The following NEK11 variants were observed in gnomAD, a reference collection of about 807,000 sequenced individuals.
NEK11 encodes serine/threonine-protein kinase Nek11.
NEK11 carries 72 observed loss-of-function variants against 80.7 expected under a neutral mutation model. The observed-to-expected ratio is 0.89, with a 90% CI of 0.74 to 1.08. The LOEUF (loss-of-function observed/expected upper bound fraction) is 1.08, where lower values mean the gene tolerates loss of function less well. Ranked by LOEUF, NEK11 falls within the 50% of genes least tolerant of loss-of-function variation. The pLI is 0.00. For missense variants in NEK11, 764 were observed against 763.6 expected, an observed-to-expected ratio of 1.00 and a Z score of -0.01; for synonymous variants, 251 against 260.7, an observed-to-expected ratio of 0.96 and a Z score of 0.36.
At chr3:131,069,610 A>G (rs569399864) in intron 3 of NEK11, among the ~76,000 whole-genome samples, 1 of 152,014 alleles carries the variant, frequency 6.6e-6, no homozygotes, top group African/African-American at 2.4e-5. Context: ...GGATTAAGAA[A>G]ATGTGGCACA....
At chr3:131,281,519 G>A (rs765975274) in intron 17 of NEK11, among the ~76,000 whole-genome samples, 5 of 152,122 alleles carry the variant, frequency 3.3e-5, no homozygotes, top group African/African-American at 9.7e-5. Flanking sequence ...ACGGACATAC[G>A]AGTATTTGCA....
At chr3:131,315,884 T>C (rs1270701304) in intron 17 of NEK11, among the ~76,000 whole-genome samples, 1 of 152,182 alleles carries the variant, frequency 6.6e-6, no homozygotes, top group Admixed American at 6.5e-5. Flanking sequence ...AAGGACATGA[T>C]TTCATTCCTT....
At chr3:131,052,364 A>G (rs2068577103) in intron 3 of NEK11, among the ~76,000 whole-genome samples, 1 of 152,130 alleles carries the variant, frequency 6.6e-6, no homozygotes, top group Non-Finnish European at 1.5e-5. Flanking sequence ...AACATTTGTC[A>G]TTTCACAAAC....
chr3:131,231,177 G>A lies in NEK11; in HGVS notation c.1560+2489G>A, dbSNP rs77542390. ...TATTTTGTCTCACAAACCCTGTTGG[G>A]TAGTTATCTTATTCCTATTTTCTTT... On this transcript the variant is annotated intron_variant, in intron 15 of 17. Coordinates refer to ENST00000383366, the MANE Select transcript of NEK11 (RefSeq NM_024800.5). 9.1e-3 allele frequency among the ~76,000 whole-genome samples: 1,376 copies of A among 151,036 alleles called. 22 individuals are homozygous for A. The highest frequency in any genetic ancestry group is 0.031 in the African/African-American group (1,285 of 40,944).
intron 14 of NEK11, among the ~76,000 whole-genome samples, chr3:131,193,424 A>G (rs946571179): frequency 3.3e-5 from 5 of 152,180 alleles, no homozygotes; most frequent in Admixed American, 6.5e-5. Context: ...CTTCTATTCT[A>G]GGCATAAAAT....
chr3:131,128,570 T>C (rs1193937038), intron 5 of NEK11, among the ~76,000 whole-genome samples: 1 of 152,246 alleles, frequency 6.6e-6, no homozygotes, highest in East Asian at 1.9e-4. Flanking sequence ...AAGGACACTT[T>C]TGTTGCTTTC....
intron 4 of NEK11, among the ~76,000 whole-genome samples, chr3:131,082,597 TTTAG>T (rs1335709914): frequency 2.0e-5 from 3 of 152,248 alleles, no homozygotes; most frequent in Non-Finnish European, 2.9e-5. Context: ...TTTATTTAAA[TTTAG>T]TTAGTTTAAA....
At chr3:131,069,858 G>A (rs1356648654) in intron 3 of NEK11, among the ~76,000 whole-genome samples, 8 of 150,892 alleles carry the variant, frequency 5.3e-5, no homozygotes, top group Admixed American at 4.0e-4. Context: ...GGATAGCATT[G>A]GGAGATATAC....
At position 131,029,795 on chromosome 3, in the gene NEK11, C is replaced by A. The variant is rs368992314; in HGVS notation, c.87C>A (p.Tyr29Ter). 2 of 1,613,928 alleles carry A rather than the reference C, an allele frequency of 1.2e-6. No homozygotes were observed. Among genetic ancestry groups the A allele is most frequent in the Non-Finnish European group, 8.5e-7 (1 of 1,179,914 alleles). Residue 29 changes from tyrosine to a stop codon, truncating the protein, a stop_gained, in exon 3 of 18, where the codon TAC (tyrosine) becomes TAA (stop). Transcript: ENST00000383366. LOFTEE classifies it high-confidence loss of function. ...CAAAGACCTTGATTGCAAGAAGATA[C>A]GTGCTTCAACAAAAACTTGGCAGTG... ...TYPKTLIARR[Y>*]VLQQKLGSGS... is the part of the protein sequence containing the mutation.
intron 16 of NEK11, among the ~76,000 whole-genome samples, chr3:131,266,807 T>A (rs1443125654): frequency 6.6e-6 from 1 of 151,922 alleles, no homozygotes; most frequent in Non-Finnish European, 1.5e-5. Context: ...TCTCTCACTA[T>A]TATTGTGTGT....
intron 3 of NEK11, among the ~76,000 whole-genome samples, chr3:131,058,982 A>T (rs534983049): frequency 6.6e-6 from 1 of 152,338 alleles, no homozygotes; most frequent in African/African-American, 2.4e-5. Flanking sequence ...GTACTTCAAA[A>T]GCATCTTTTC....
At chr3:131,292,146 G>A (rs1027317730) in intron 17 of NEK11, among the ~76,000 whole-genome samples, 1 of 152,144 alleles carries the variant, frequency 6.6e-6, no homozygotes, top group Non-Finnish European at 1.5e-5. Flanking sequence ...ATGGATGTAC[G>A]GTTGTTCCAG....
At chr3:131,115,796 A>G (rs2080915553) in intron 5 of NEK11, among the ~76,000 whole-genome samples, 1 of 152,104 alleles carries the variant, frequency 6.6e-6, no homozygotes, top group African/African-American at 2.4e-5. Flanking sequence ...AGGGCTGGGC[A>G]CTTACTCCAA....
intron 4 of NEK11, among the ~76,000 whole-genome samples, chr3:131,097,289 A>G (rs2077587716): frequency 6.6e-6 from 1 of 151,904 alleles, no homozygotes; most frequent in African/African-American, 2.4e-5. Context: ...TTCTAGTTCT[A>G]GATCCCTGAG....
At chr3:131,121,583 G>T (rs1218724475) in intron 5 of NEK11, among the ~76,000 whole-genome samples, 1 of 152,216 alleles carries the variant, frequency 6.6e-6, no homozygotes, top group Non-Finnish European at 1.5e-5. Flanking sequence ...TGCCCCCAGT[G>T]GTGGAGTCTA....
intron 17 of NEK11, among the ~76,000 whole-genome samples, chr3:131,301,400 A>G (rs1325265586): frequency 6.6e-6 from 1 of 150,708 alleles, no homozygotes; most frequent in African/African-American, 2.4e-5. Flanking sequence ...CCTAGGACTT[A>G]CAGTACTTTG....
At chr3:131,080,252 A>G (rs2075047458) in intron 3 of NEK11, among the ~76,000 whole-genome samples, 171 bp from the exon 4 acceptor site, 1 of 152,158 alleles carries the variant, frequency 6.6e-6, no homozygotes, top group African/African-American at 2.4e-5. Flanking sequence ...GGGAAGCAGG[A>G]CAGGAAAACA....
At chr3:131,040,827 T>G (rs2066367673) in intron 3 of NEK11, among the ~76,000 whole-genome samples, 1 of 152,204 alleles carries the variant, frequency 6.6e-6, no homozygotes, top group Non-Finnish European at 1.5e-5. Flanking sequence ...TGTGTTTGGG[T>G]GTCAATTTTC....
In NEK11 at chr3:131,091,081, C is replaced by A. The variant is rs151331122; in HGVS notation, c.336+10493C>A. The stretch of plus-strand genomic sequence containing the variant: ...ATCTGGCTGTGTTTATTAAAGAACA[C>A]AGTAAATGCAAAACAAATAGTTTTT... On this transcript the variant is annotated intron_variant, in intron 4 of 17. Transcript: ENST00000383366. Among the ~76,000 whole-genome samples the A allele has an allele frequency of 7.9e-5, 12 of 152,210 alleles. No homozygotes were observed. In the East Asian group the frequency reaches 2.1e-3, roughly 27 times the overall value.
Sources: allele counts gnomAD v4.1 joint callset (sites outside exome capture counted in the v4.1 genomes callset), GRCh38; gene constraint gnomAD v4.1.1; transcripts MANE v1.5; gene names NCBI Gene and HGNC (gene_info 2026-07-23, HGNC 2026-07-21).